Variants in CLTCL1 observed in about 807,000 individuals in gnomAD.
CLTCL1 encodes the protein clathrin heavy chain like 1.
A neutral mutation model predicts 190.0 loss-of-function variants in CLTCL1; 159 were observed. The observed-to-expected ratio is 0.84, with a 90% CI of 0.74 to 0.95. CLTCL1 has a LOEUF of 0.95. Ranked by LOEUF, CLTCL1 falls within the 40% of genes least tolerant of loss-of-function variation. The pLI, the probability that CLTCL1 is intolerant of heterozygous loss-of-function variation, is 0.00. For missense variants in CLTCL1, 1,878 were observed against 2,033.4 expected (o/e 0.92, Z 1.47); for synonymous variants, 752 against 769.6 (o/e 0.98, Z 0.38).
At chr22:19,291,576 G>T in intron 1 of CLTCL1, 24 bp downstream of exon 1, 6 of 1,357,866 alleles carry the variant, frequency 4.4e-6, no homozygotes, top group African/African-American at 1.5e-5. Flanking sequence ...TGACAGGGCA[G>T]CCCCCCAGCC....
intron 24 of CLTCL1, 121 bp downstream of exon 24, chr22:19,199,613 T>C (rs1201475449): frequency 3.1e-6 from 2 of 647,422 alleles, no homozygotes; most frequent in Non-Finnish European, 5.2e-6. Flanking sequence ...CTCAGGGCCA[T>C]GCTTCATATT....
chr22:19,187,543 G>A lies in CLTCL1; in HGVS notation c.4605+15C>T. 3 of 1,598,682 alleles carry A rather than the reference G, an allele frequency of 1.9e-6. No homozygotes were observed. Among genetic ancestry groups the A allele is most frequent in the Non-Finnish European group, 2.6e-6 (3 of 1,169,456 alleles). ...AAGGCAGGAAGGTGGGAGGAAACGGGCCCAGGCCACCAACCTTGTAGAGAT... is the reference window on the plus strand; with the variant it reads ...AAGGCAGGAAGGTGGGAGGAAACGGACCCAGGCCACCAACCTTGTAGAGAT... On this transcript the variant is annotated intron_variant, in intron 29 of 32. Transcript: ENST00000427926.
rs782072049 is a variant in CLTCL1, at chr22:19,226,251, C to A, written c.1915G>T (p.Ala639Ser). Reference protein sequence around the residue: ...HYTDLYDIKRAVVHTHLLNPE... With the variant: ...HYTDLYDIKRSVVHTHLLNPE... Reference sequence around the variant, plus strand: ...TTGAGGAGGTGAGTGTGGACCACAGCCCTCTTGATGTCATAGAGGTCGGTG... The same window carrying A: ...TTGAGGAGGTGAGTGTGGACCACAGACCTCTTGATGTCATAGAGGTCGGTG... The change falls in exon 12 of 33, where the codon GCT becomes TCT. Residue 639 changes from alanine (A) to serine (S), a missense_variant. Transcript: ENST00000427926. 5.0e-6 allele frequency: 8 copies of A among 1,613,918 alleles called. No homozygotes were observed. The highest frequency in any genetic ancestry group is 3.3e-5 in the Admixed American group (2 of 60,008).
At chr22:19,252,895 T>C (rs1410375301) in intron 3 of CLTCL1, among the ~76,000 whole-genome samples, 4 of 151,362 alleles carry the variant, frequency 2.6e-5, no homozygotes, top group African/African-American at 9.7e-5. Context: ...GCGCCTGTAG[T>C]CCCAGCTACT....
intron 4 of CLTCL1, among the ~76,000 whole-genome samples, chr22:19,241,941 C>CTTTT (rs35692303): frequency 7.2e-6 from 1 of 139,082 alleles, no homozygotes; most frequent in Admixed American, 7.2e-5. Context: ...CCTCATCTAC[C>CTTTT]TTTTTTTTTT....
intron 30 of CLTCL1, 92 bp downstream of exon 30, chr22:19,183,298 G>A: frequency 8.8e-7 from 1 of 1,138,208 alleles, no homozygotes; most frequent in Non-Finnish European, 1.3e-6. Flanking sequence ...GGCCTCAAAG[G>A]GGCCCACCCT....
Position 19,275,737 on chromosome 22 carries a change from C to T in CLTCL1, c.136G>A (p.Glu46Lys), listed in dbSNP as rs782588283. The T allele has an allele frequency of 2.4e-5, 39 of 1,609,356 alleles. No individual in the cohort carries two copies. Among genetic ancestry groups the T allele is most frequent in the Non-Finnish European group, 3.1e-5 (37 of 1,178,012 alleles). Reference protein sequence around the residue: ...KFICIREKVGEQAQVTIIDMS... With the variant: ...KFICIREKVGKQAQVTIIDMS... ...TCAATGATCGTGACCTGTGCCTGCT[C>T]ACCAACTTTCTCTCGGATACATATG... Residue 46 changes from glutamate (E) to lysine (K), a missense_variant, in exon 2 of 33, where the codon GAG becomes AAG. Coordinates refer to ENST00000427926, the MANE Select transcript of CLTCL1 (RefSeq NM_007098.4).
chr22:19,274,155 A>G (rs1555981989), intron 2 of CLTCL1, among the ~76,000 whole-genome samples: 1 of 152,152 alleles, frequency 6.6e-6, no homozygotes. Context: ...ATGCTAAATA[A>G]GGCCTCTCAA....
chr22:19,194,349 G>T (rs1261125977), intron 26 of CLTCL1, among the ~76,000 whole-genome samples: 1 of 152,142 alleles, frequency 6.6e-6, no homozygotes, highest in Non-Finnish European at 1.5e-5. Context: ...GGGCGTGGTG[G>T]CAGGCACCTG....
At chr22:19,207,557 C>T in intron 22 of CLTCL1, 1 of 403,714 alleles carries the variant, frequency 2.5e-6, no homozygotes, top group Non-Finnish European at 4.4e-6. Context: ...TTATCTGCAT[C>T]ACACTAAAGC....
chr22:19,288,342 G>GA (rs1226735360), intron 1 of CLTCL1, among the ~76,000 whole-genome samples: 2 of 152,042 alleles, frequency 1.3e-5, no homozygotes, highest in Non-Finnish European at 2.9e-5. Context: ...TATGCATAGG[G>GA]AAAAAAAGTG....
At position 19,271,503 on chromosome 22, in the gene CLTCL1, G is replaced by A. The variant is rs560637352; in HGVS notation, c.250+4120C>T. Among the ~76,000 whole-genome samples, 8 of 152,230 alleles carry A rather than the reference G, an allele frequency of 5.3e-5. No homozygotes were observed. The East Asian group carries it at 5.8e-4, about 11-fold the overall frequency. On this transcript the variant is annotated intron_variant, in intron 2 of 32. Coordinates refer to ENST00000427926, the MANE Select transcript of CLTCL1 (RefSeq NM_007098.4). ...CCTTTTGTTCTCTCTCTACTGCTCC[G>A]CTACGGTAAGACATGCTTGCTTCCC...
At chr22:19,235,577 T>C in intron 6 of CLTCL1, 119 bp downstream of exon 6, 1 of 939,164 alleles carries the variant, frequency 1.1e-6, no homozygotes. Flanking sequence ...TGGGTTTAAG[T>C]TTAATAACAG....
chr22:19,247,768 C>A (rs1555968542), intron 3 of CLTCL1, among the ~76,000 whole-genome samples: 1 of 151,962 alleles, frequency 6.6e-6, no homozygotes, highest in African/African-American at 2.4e-5. Context: ...ACCACATTGG[C>A]CAGGCTGGTC....
intron 2 of CLTCL1, among the ~76,000 whole-genome samples, chr22:19,259,793 A>G (rs2146152046): frequency 6.6e-6 from 1 of 152,316 alleles, no homozygotes; most frequent in South Asian, 2.1e-4. Flanking sequence ...AGTGAAAGTG[A>G]AAGGAAGAGT....
intron 9 of CLTCL1, 45 bp from the exon 10 acceptor site, chr22:19,232,643 T>C (rs2085953325): frequency 1.9e-6 from 3 of 1,568,270 alleles, no homozygotes; most frequent in Middle Eastern, 1.7e-4. Context: ...TGAAAAACCC[T>C]GGGCATTAGA....
In CLTCL1 at chr22:19,201,438, C is replaced by G. The variant is rs782702183; in HGVS notation, c.3656G>C (p.Ser1219Thr). Reference protein sequence around the residue: ...GMYEAAKLLYSNVSNFARLAS... With the variant: ...GMYEAAKLLYTNVSNFARLAS... ...CAGGCGGGCAAAGTTAGAAACATTG[C>G]TATAGAGCAGCTTGGCAGCCTCGTA... The change falls in exon 23 of 33, where the codon AGC becomes ACC. Residue 1219 changes from serine (S) to threonine (T), a missense_variant. Physicochemically the swap from Ser to Thr is moderately conservative, Grantham distance 58. Transcript: ENST00000427926. 1.9e-6 allele frequency: 3 copies of G among 1,613,896 alleles called. No individual in the cohort carries two copies. The South Asian group carries it at 3.3e-5, about 18-fold the overall frequency.
chr22:19,243,697 C>CTTTTTTTTTTT (rs1175325908), intron 3 of CLTCL1, among the ~76,000 whole-genome samples: 5 of 107,894 alleles, frequency 4.6e-5, no homozygotes, highest in South Asian at 3.3e-4. Flanking sequence ...TTCTTTCTTT[C>CTTTTTTTTTTT]TTTTTTTTTT....
intron 22 of CLTCL1, among the ~76,000 whole-genome samples, chr22:19,204,695 A>G (rs1348978183): frequency 6.6e-6 from 1 of 152,258 alleles, no homozygotes; most frequent in Admixed American, 6.5e-5. Context: ...TGTTACTGCC[A>G]ATTTACAGGA....
Sources: gnomAD v4.1 joint callset for allele counts (sites outside exome capture counted in the v4.1 genomes callset) on GRCh38, gnomAD v4.1.1 for gene constraint, MANE v1.5 for transcripts, NCBI Gene and HGNC (gene_info 2026-07-23, HGNC 2026-07-21) for gene names.